Variants in ATP6V0D2 observed in about 807,000 individuals in gnomAD.
ATP6V0D2 encodes ATPase H+ transporting V0 subunit d2, also known as V-type proton ATPase subunit d 2.
In ATP6V0D2, 40 loss-of-function variants were observed where a neutral mutation model predicts 40.0. The ratio of observed to expected loss-of-function variants is 1.00; its 90% CI spans 0.78 to 1.30. ATP6V0D2 has a LOEUF of 1.30. ATP6V0D2 is among the 50% of genes most tolerant of loss of function. The pLI is 0.00. For synonymous variants in ATP6V0D2, 179 were observed against 156.3 expected, an observed-to-expected ratio of 1.15 and a Z score of -1.08; for missense variants, 470 against 423.1, an observed-to-expected ratio of 1.11 and a Z score of -0.97.
chr8:86,136,649 C>G (rs577113676), intron 2 of ATP6V0D2, among the ~76,000 whole-genome samples: 1 of 152,156 alleles, frequency 6.6e-6, no homozygotes, highest in East Asian at 1.9e-4. Flanking sequence ...GGGATAATTG[C>G]CTGCTTCAAA....
intron 1 of ATP6V0D2, among the ~76,000 whole-genome samples, chr8:86,103,272 C>A (rs1043919767): frequency 2.6e-5 from 4 of 151,654 alleles, no homozygotes; most frequent in Non-Finnish European, 4.4e-5. Flanking sequence ...CATGTGCCAC[C>A]ATGCCTGGCT....
At chr8:86,126,523 T>G (rs2130255008) in intron 2 of ATP6V0D2, among the ~76,000 whole-genome samples, 1 of 152,012 alleles carries the variant, frequency 6.6e-6, no homozygotes, top group South Asian at 2.1e-4. Flanking sequence ...GTGGCAGAAT[T>G]AGTACTGGAA....
chr8:86,152,450 C>T (rs530975505), intron 7 of ATP6V0D2, among the ~76,000 whole-genome samples: 124 of 152,236 alleles, frequency 8.1e-4, no homozygotes, highest in Non-Finnish European at 1.4e-3. Context: ...GTAATGGGAT[C>T]GCTGGGTCAA....
intron 5 of ATP6V0D2, among the ~76,000 whole-genome samples, chr8:86,145,195 A>AAAAGAAAGAAAGAAAGAAAGAAAG (rs796950589): frequency 1.9e-3 from 28 of 14,578 alleles, no homozygotes; most frequent in Non-Finnish European, 2.1e-3. Flanking sequence ...AGAAAGAAAG[A>AAAAGAAAGAAAGAAAGAAAGAAAG]AAAGAAAGAA....
At chr8:86,110,323 T>C (rs983515987) in intron 1 of ATP6V0D2, among the ~76,000 whole-genome samples, 2 of 152,070 alleles carry the variant, frequency 1.3e-5, no homozygotes, top group Admixed American at 1.3e-4. Context: ...TTGAACTCCT[T>C]ACCTCAAGTG....
Position 86,138,432 on chromosome 8 carries a change from G to A in ATP6V0D2, c.303-1025G>A, listed in dbSNP as rs527807955. Among the ~76,000 whole-genome samples, 31 of 152,250 alleles carry A rather than the reference G, an allele frequency of 2.0e-4. No homozygotes were observed. The South Asian group carries it at 6.2e-3, about 31-fold the overall frequency. On this transcript the variant is annotated intron_variant, in intron 2 of 7. Coordinates refer to ENST00000285393, the MANE Select transcript of ATP6V0D2 (RefSeq NM_152565.1). ...TCACTTAAGCTGTATTCTTTGTAAA[G>A]GAAGGCCCTAGGTCTCATTTACTTC...
chr8:86,126,995 G>C (rs1313398110), intron 2 of ATP6V0D2, among the ~76,000 whole-genome samples: 1 of 152,148 alleles, frequency 6.6e-6, no homozygotes. Context: ...ATGCTGACTT[G>C]TAAGTAACTT....
chr8:86,142,372 T>C (rs1031583543), intron 4 of ATP6V0D2, among the ~76,000 whole-genome samples: 2 of 152,174 alleles, frequency 1.3e-5, no homozygotes, highest in African/African-American at 4.8e-5. Context: ...AAACTGAGGC[T>C]TGGAGAGCCA....
At chr8:86,118,549 G>GA (rs1818626764) in intron 2 of ATP6V0D2, among the ~76,000 whole-genome samples, 1 of 152,122 alleles carries the variant, frequency 6.6e-6, no homozygotes, top group African/African-American at 2.4e-5. Context: ...GGAGGAAGTA[G>GA]AAAGTGCTTA....
At chr8:86,131,129 T>C (rs562753178) in intron 2 of ATP6V0D2, among the ~76,000 whole-genome samples, 1 of 152,136 alleles carries the variant, frequency 6.6e-6, no homozygotes, top group South Asian at 2.1e-4. Flanking sequence ...CCCAAAATAA[T>C]ATAACATATT....
At chr8:86,113,923 T>C (rs1190359419) in intron 2 of ATP6V0D2, 43 bp downstream of exon 2, 2 of 1,546,454 alleles carry the variant, frequency 1.3e-6, no homozygotes, top group Non-Finnish European at 8.8e-7. Flanking sequence ...AATGTACTCG[T>C]GCGGATGACC....
At chr8:86,110,647 A>G (rs1376846781) in intron 1 of ATP6V0D2, among the ~76,000 whole-genome samples, 6 of 152,196 alleles carry the variant, frequency 3.9e-5, no homozygotes, top group African/African-American at 1.4e-4. Flanking sequence ...AGAGGTTACA[A>G]TCACTGGCTA....
At chr8:86,125,660 A>G (rs893234952) in intron 2 of ATP6V0D2, among the ~76,000 whole-genome samples, 12 of 152,268 alleles carry the variant, frequency 7.9e-5, no homozygotes, top group African/African-American at 2.4e-4. Flanking sequence ...CATGTCACAG[A>G]GCCCAGAGGT....
chr8:86,127,683 C>G (rs1264853141), intron 2 of ATP6V0D2, among the ~76,000 whole-genome samples: 1 of 152,144 alleles, frequency 6.6e-6, no homozygotes, highest in Non-Finnish European at 1.5e-5. Flanking sequence ...CTTGGCTTCC[C>G]AAAGTGCTAA....
intron 5 of ATP6V0D2, among the ~76,000 whole-genome samples, chr8:86,145,033 C>T (rs1159306050): frequency 6.7e-6 from 1 of 149,796 alleles, no homozygotes; most frequent in Non-Finnish European, 1.5e-5. Context: ...TGTGGTGGTG[C>T]ACATCTGTAA....
At chr8:86,113,658 AT>A in intron 1 of ATP6V0D2, 50 bp from the exon 2 acceptor site, 1 of 1,487,058 alleles carries the variant, frequency 6.7e-7, no homozygotes, top group Non-Finnish European at 9.1e-7. Context: ...TGAAAAAGCT[AT>A]TTGTGTATGT....
intron 6 of ATP6V0D2, 23 bp downstream of exon 6, chr8:86,150,311 C>T: frequency 6.2e-7 from 1 of 1,604,346 alleles, no homozygotes; most frequent in Non-Finnish European, 8.5e-7. Context: ...ACTGGCTTCC[C>T]TAAGTCCTTT....
chr8:86,130,850 C>T (rs992449405), intron 2 of ATP6V0D2, among the ~76,000 whole-genome samples: 4 of 152,070 alleles, frequency 2.6e-5, no homozygotes, highest in African/African-American at 7.2e-5. Flanking sequence ...CTGGCCATAA[C>T]GACCCCCCAC....
chr8:86,114,928 C>T (rs549300470), intron 2 of ATP6V0D2, among the ~76,000 whole-genome samples: 9 of 152,002 alleles, frequency 5.9e-5, no homozygotes, highest in Non-Finnish European at 1.0e-4. Flanking sequence ...GGCACTCAGG[C>T]GTCAATATAT....
Sources: allele counts gnomAD v4.1 joint callset (sites outside exome capture counted in the v4.1 genomes callset), GRCh38; gene constraint gnomAD v4.1.1; transcripts MANE v1.5; gene names NCBI Gene and HGNC (gene_info 2026-07-23, HGNC 2026-07-21).